PCDH15: variants seen among roughly 807,000 people sequenced by gnomAD.
PCDH15 encodes the protein protocadherin-15.
Under a neutral mutation model 178.5 loss-of-function variants are expected in PCDH15, and 129 were observed. The ratio of observed to expected loss-of-function variants is 0.72; its 90% confidence interval spans 0.63 to 0.84. The LOEUF (loss-of-function observed/expected upper bound fraction) is 0.84. PCDH15 is among the 40% of genes least tolerant of loss of function. PCDH15 has a pLI of 0.00. For synonymous variants in PCDH15, 800 were observed against 732.0 expected, an observed-to-expected ratio of 1.09 and a Z score of -1.50; for missense variants, 2,230 against 2,099.9, an observed-to-expected ratio of 1.06 and a Z score of -1.21.
intron 2 of PCDH15, among the ~76,000 whole-genome samples, chr10:55,010,897 G>T (rs937989127): frequency 1.3e-5 from 2 of 152,064 alleles, no homozygotes; most frequent in South Asian, 2.1e-4. Flanking sequence ...TAGCAATAGT[G>T]CTTCCCTTGT....
chr10:54,159,411 C>G lies in PCDH15; in HGVS notation c.1591-6118G>C, dbSNP rs146287962. ...GATGTACCTAAGACTGAGACCCATACAGAAGAAGACATGTCAAGAAATAAG... is the reference window on the plus strand; with the variant it reads ...GATGTACCTAAGACTGAGACCCATAGAGAAGAAGACATGTCAAGAAATAAG... On this transcript the variant is annotated intron_variant, in intron 13 of 37. Coordinates refer to ENST00000644397, the MANE Select transcript of PCDH15 (RefSeq NM_001384140.1). 2.0e-5 allele frequency among the ~76,000 whole-genome samples: 3 copies of G among 152,074 alleles called. No homozygotes were observed. In the East Asian group the frequency reaches 5.8e-4, roughly 29 times the overall value.
intron 6 of PCDH15, among the ~76,000 whole-genome samples, chr10:54,341,931 C>A (rs1381723355): frequency 6.6e-6 from 1 of 152,146 alleles, no homozygotes; most frequent in African/African-American, 2.4e-5. Context: ...TTCTAAGCAG[C>A]AAAGTATTCA....
intron 2 of PCDH15, among the ~76,000 whole-genome samples, chr10:55,070,752 T>C (rs1200336243): frequency 3.3e-5 from 5 of 152,074 alleles, no homozygotes; most frequent in Admixed American, 2.0e-4. Context: ...ATTGACTTGG[T>C]GATGTGGGCT....
chr10:54,160,156 T>G (rs1488077511), intron 13 of PCDH15, among the ~76,000 whole-genome samples: 1 of 151,990 alleles, frequency 6.6e-6, no homozygotes, highest in Non-Finnish European at 1.5e-5. Context: ...GTCCTGGAGA[T>G]GCTGGACAAA....
At chr10:55,559,630 G>C (rs1842154421) in intron 2 of PCDH15, among the ~76,000 whole-genome samples, 1 of 151,672 alleles carries the variant, frequency 6.6e-6, no homozygotes, top group African/African-American at 2.4e-5. Flanking sequence ...TGTAAAAATT[G>C]TGTTCCATGT....
chr10:55,177,164 C>T (rs1839513339), intron 1 of PCDH15, among the ~76,000 whole-genome samples: 1 of 152,148 alleles, frequency 6.6e-6, no homozygotes, highest in African/African-American at 2.4e-5. Flanking sequence ...AGCTCATCTC[C>T]TCCTTTTCCC....
At chr10:54,946,592 C>G (rs1353433716) in intron 2 of PCDH15, among the ~76,000 whole-genome samples, 2 of 151,834 alleles carry the variant, frequency 1.3e-5, no homozygotes, top group East Asian at 3.9e-4. Context: ...AACACCCCCG[C>G]CCCTGACAAT....
At chr10:54,947,321 T>G (rs561289998) in intron 2 of PCDH15, among the ~76,000 whole-genome samples, 7 of 152,046 alleles carry the variant, frequency 4.6e-5, no homozygotes, top group African/African-American at 1.2e-4. Flanking sequence ...AAAATACAGA[T>G]AGTTTTAAAT....
intron 3 of PCDH15, among the ~76,000 whole-genome samples, chr10:54,852,527 A>G (rs1176238305): frequency 1.3e-5 from 2 of 152,198 alleles, no homozygotes; most frequent in Admixed American, 6.5e-5. Flanking sequence ...TACAAAAAAT[A>G]TAAAAAGAAA....
intron 2 of PCDH15, among the ~76,000 whole-genome samples, chr10:55,068,861 A>T (rs1239814024): frequency 6.6e-6 from 1 of 151,140 alleles, no homozygotes; most frequent in Non-Finnish European, 1.5e-5. Flanking sequence ...TCTTTTTTGT[A>T]GCTATTGTAA....
chr10:54,395,953 G>C (rs1437004426), intron 3 of PCDH15, among the ~76,000 whole-genome samples: 4 of 152,130 alleles, frequency 2.6e-5, no homozygotes, highest in African/African-American at 9.7e-5. Context: ...ACCTATGGGA[G>C]ATCAGAATAT....
At chr10:54,876,157 A>C (rs1201399692) in intron 3 of PCDH15, among the ~76,000 whole-genome samples, 1 of 152,154 alleles carries the variant, frequency 6.6e-6, no homozygotes, top group Non-Finnish European at 1.5e-5. Flanking sequence ...CTCTATAAAC[A>C]TAACAATGAA....
chr10:54,937,631 C>T (rs1733765), intron 2 of PCDH15, among the ~76,000 whole-genome samples: 22,925 of 151,716 alleles, frequency 0.15, 1,877 homozygotes, highest in East Asian at 0.23. Context: ...ATCACTAATG[C>T]ATAGTAATAC....
At chr10:54,844,418 T>A (rs1953469420) in intron 3 of PCDH15, among the ~76,000 whole-genome samples, 2 of 151,980 alleles carry the variant, frequency 1.3e-5, no homozygotes, top group South Asian at 4.1e-4. Context: ...AAACAGAAAT[T>A]TAGGCATATG....
At chr10:54,256,011 T>C (rs962515359) in intron 8 of PCDH15, among the ~76,000 whole-genome samples, 1 of 152,176 alleles carries the variant, frequency 6.6e-6, no homozygotes, top group Non-Finnish European at 1.5e-5. Flanking sequence ...TGAATACAGA[T>C]GTAAGAAAGG....
chr10:54,077,252 C>T (rs1178219015), intron 17 of PCDH15, among the ~76,000 whole-genome samples: 6 of 151,940 alleles, frequency 3.9e-5, no homozygotes, highest in Non-Finnish European at 7.4e-5. Context: ...TATGAGGAAA[C>T]GAGGACCTAG....
intron 3 of PCDH15, among the ~76,000 whole-genome samples, chr10:54,483,929 T>C (rs2078908447): frequency 1.3e-5 from 2 of 151,934 alleles, no homozygotes; most frequent in African/African-American, 2.4e-5. Flanking sequence ...GCAGAGCCTG[T>C]ATCCAAACTT....
chr10:54,440,946 G>A (rs1333241564), intron 3 of PCDH15, among the ~76,000 whole-genome samples: 3 of 151,886 alleles, frequency 2.0e-5, no homozygotes, highest in Non-Finnish European at 4.4e-5. Context: ...AACCTTTGAT[G>A]ACTATAAAAA....
rs567188529 is a variant in PCDH15 at position 55,368,224 on chromosome 10, A to G, written c.-155-201573T>C. ...TTTTTGTCAATGATTTCATGTAATC[A>G]ACAATGGCAAGGAACCAATTTTCAG... On this transcript the variant is annotated intron_variant, in intron 2 of 5. Transcript: ENST00000613346. Among the ~76,000 whole-genome samples the G allele has an allele frequency of 2.6e-4, 40 of 152,194 alleles. 1 individual carries two copies. In the Middle Eastern group the frequency reaches 0.01, roughly 39 times the overall value.
Sources: gnomAD v4.1 joint callset for allele counts (sites outside exome capture counted in the v4.1 genomes callset) on GRCh38, gnomAD v4.1.1 for gene constraint, MANE v1.5 for transcripts, NCBI Gene and HGNC (gene_info 2026-07-23, HGNC 2026-07-21) for gene names.